C7orf78: variants seen among roughly 807,000 people sequenced by gnomAD.
C7orf78 encodes the protein chromosome 7 open reading frame 78.
chr7:12,490,311 T>C, the C7orf78 span, among the ~76,000 whole-genome samples: 1 of 152,116 alleles, frequency 6.6e-6, no homozygotes, highest in African/African-American at 2.4e-5. Flanking sequence ...CCTCTGCTGG[T>C]AGTTAATAGC....
the C7orf78 span, among the ~76,000 whole-genome samples, chr7:12,487,898 G>C: frequency 6.6e-6 from 1 of 151,990 alleles, no homozygotes; most frequent in East Asian, 1.9e-4. Flanking sequence ...CAGCTCTCTA[G>C]CATGGGAAAC....
the C7orf78 span, among the ~76,000 whole-genome samples, chr7:12,537,898 T>C: frequency 1.3e-5 from 2 of 152,170 alleles, no homozygotes; most frequent in Non-Finnish European, 2.9e-5. Flanking sequence ...GCTCTATATA[T>C]GTACAATGTA....
the C7orf78 span, among the ~76,000 whole-genome samples, chr7:12,496,161 G>A: frequency 6.6e-5 from 10 of 152,232 alleles, no homozygotes; most frequent in Admixed American, 5.9e-4. Context: ...TCCTGACCTC[G>A]TGATCCGCCG....
the C7orf78 span, chr7:12,487,046 G>T: frequency 6.6e-6 from 1 of 151,516 alleles, no homozygotes; most frequent in South Asian, 2.1e-4. Context: ...TTCTGCTTCT[G>T]TCATGTATTT....
the C7orf78 span, chr7:12,538,520 A>G: frequency 6.6e-6 from 1 of 152,134 alleles, no homozygotes; most frequent in Non-Finnish European, 1.5e-5. Flanking sequence ...AATAGTGACT[A>G]CTTATGGAGG....
At chr7:12,500,886 T>A in the C7orf78 span, among the ~76,000 whole-genome samples, 1 of 147,922 alleles carries the variant, frequency 6.8e-6, no homozygotes, top group Non-Finnish European at 1.5e-5. Flanking sequence ...TCCACCATGA[T>A]CAAGTGGGCT....
At chr7:12,516,413 G>A in the C7orf78 span, among the ~76,000 whole-genome samples, 3 of 152,212 alleles carry the variant, frequency 2.0e-5, no homozygotes, top group Non-Finnish European at 2.9e-5. Context: ...CTGCAGGAGC[G>A]GGGCACTCAT....
chr7:12,516,199 A>G, the C7orf78 span, among the ~76,000 whole-genome samples: 606 of 152,282 alleles, frequency 4.0e-3, 4 homozygotes, highest in African/African-American at 0.014. Context: ...TTGGTGCCCT[A>G]TGTCCCAGAT....
the C7orf78 span, among the ~76,000 whole-genome samples, chr7:12,493,688 C>T: frequency 9.1e-4 from 139 of 152,280 alleles, 1 homozygote; most frequent in South Asian, 6.4e-3. Context: ...GATGTATAAT[C>T]TTGGGCAAGC....
chr7:12,539,332 C>T, the C7orf78 span, among the ~76,000 whole-genome samples: 2 of 152,176 alleles, frequency 1.3e-5, no homozygotes, highest in Admixed American at 6.5e-5. Context: ...GGCGTGGTGG[C>T]ACGCACCTGT....
the C7orf78 span, among the ~76,000 whole-genome samples, chr7:12,531,755 C>T: frequency 7.9e-5 from 12 of 152,140 alleles, no homozygotes; most frequent in South Asian, 4.1e-4. Flanking sequence ...AACCATGGTT[C>T]GTTGTCTTGT....
chr7:12,518,525 C>G, the C7orf78 span, among the ~76,000 whole-genome samples: 1 of 152,062 alleles, frequency 6.6e-6, no homozygotes, highest in South Asian at 2.1e-4. Flanking sequence ...TGAGCAGACC[C>G]CTCCCCGAGC....
At chr7:12,533,483 G>A in the C7orf78 span, among the ~76,000 whole-genome samples, 1 of 149,612 alleles carries the variant, frequency 6.7e-6, no homozygotes, top group Non-Finnish European at 1.5e-5. Context: ...TTACAGGTGT[G>A]AGCCACAGCG....
the C7orf78 span, among the ~76,000 whole-genome samples, chr7:12,510,104 T>C: frequency 2.0e-5 from 3 of 151,846 alleles, no homozygotes; most frequent in Non-Finnish European, 4.4e-5. Flanking sequence ...CTATTATGTG[T>C]ATATATACTT....
the C7orf78 span, among the ~76,000 whole-genome samples, chr7:12,537,055 C>T: frequency 6.6e-6 from 1 of 152,190 alleles, no homozygotes; most frequent in Non-Finnish European, 1.5e-5. Flanking sequence ...GTTCCAAAGT[C>T]GCTTTCACAT....
chr7:12,493,663 C>T, the C7orf78 span, among the ~76,000 whole-genome samples: 1 of 152,216 alleles, frequency 6.6e-6, no homozygotes, highest in African/African-American at 2.4e-5. Context: ...TGCCTCCTGA[C>T]CCAGCTGCTT....
chr7:12,512,826 C>A, the C7orf78 span, among the ~76,000 whole-genome samples: 1 of 152,004 alleles, frequency 6.6e-6, no homozygotes, highest in Non-Finnish European at 1.5e-5. Flanking sequence ...TTGCTGAGAG[C>A]CTTCTTATTA....
At chr7:12,492,171 T>A in the C7orf78 span, among the ~76,000 whole-genome samples, 1 of 152,158 alleles carries the variant, frequency 6.6e-6, no homozygotes, top group Non-Finnish European at 1.5e-5. Flanking sequence ...TATGTCTTTT[T>A]TTCACGACTT....
At chr7:12,522,972 T>C in the C7orf78 span, 1 of 398,198 alleles carries the variant, frequency 2.5e-6, no homozygotes, top group Non-Finnish European at 4.4e-6. Flanking sequence ...GTGTTGCAGA[T>C]TCCTCCATGT....
Sources: allele counts gnomAD v4.1 joint callset (sites outside exome capture counted in the v4.1 genomes callset), GRCh38; gene constraint gnomAD v4.1.1; transcripts MANE v1.5; gene names NCBI Gene and HGNC (gene_info 2026-07-23, HGNC 2026-07-21).